CPEB4: variants seen among roughly 807,000 people sequenced by gnomAD.
CPEB4 encodes cytoplasmic polyadenylation element binding protein 4, also known as cytoplasmic polyadenylation element-binding protein 4.
In CPEB4, 12 loss-of-function variants were observed where a neutral mutation model predicts 72.5. The observed-to-expected ratio is 0.17, with a 90% CI of 0.11 to 0.27. The LOEUF (loss-of-function observed/expected upper bound fraction) is 0.27. Among genes scored for constraint, CPEB4 ranks in the 10% least tolerant of loss-of-function variants. The pLI, the probability that CPEB4 is intolerant of heterozygous loss-of-function variation, is 1.00. For missense variants in CPEB4, 614 were observed against 908.5 expected (o/e 0.68, Z 4.17); for synonymous variants, 302 against 326.3 (o/e 0.93, Z 0.80).
intron 1 of CPEB4, among the ~76,000 whole-genome samples, chr5:173,909,163 G>C (rs543505173): frequency 6.6e-6 from 1 of 152,248 alleles, no homozygotes; most frequent in Admixed American, 6.5e-5. Context: ...GGTCAGCAAT[G>C]TACCCCACAC....
rs761774997 is a variant in CPEB4, at chr5:173,889,456, A to G, written c.-278A>G. The stretch of plus-strand genomic sequence containing the variant: ...GCCTATTTTACTAACCAAAGACTTG[A>G]TTTTTACCCTCTTCATTTTTATTCC... On this transcript the variant is annotated 5_prime_UTR_variant, in exon 1 of 10. Transcript: ENST00000265085. The G allele has an allele frequency of 5.5e-5, 17 of 310,162 alleles. No homozygotes were observed. The South Asian group carries it at 9.8e-4, about 18-fold the overall frequency. The allele number at this position is 310,162 out of a possible 1,614,324, so 19.2% of individuals were successfully genotyped here.
intron 2 of CPEB4, among the ~76,000 whole-genome samples, chr5:173,929,159 T>C (rs111622444): frequency 6.6e-6 from 1 of 152,202 alleles, no homozygotes; most frequent in Non-Finnish European, 1.5e-5. Context: ...CTGTAACTTA[T>C]AAGGCCAAGG....
intron 3 of CPEB4, among the ~76,000 whole-genome samples, chr5:173,942,644 A>G (rs1423571050): frequency 2.0e-5 from 3 of 152,238 alleles, no homozygotes; most frequent in African/African-American, 7.2e-5. Flanking sequence ...ATATTGGTAT[A>G]TCTACTAAAT....
chr5:173,947,321 G>T (rs1758055096), intron 5 of CPEB4, among the ~76,000 whole-genome samples: 2 of 151,978 alleles, frequency 1.3e-5, no homozygotes, highest in Non-Finnish European at 2.9e-5. Context: ...TCCCTCTAAG[G>T]CTGAGATATT....
At chr5:173,930,076 CAG>C (rs966918135) in intron 2 of CPEB4, among the ~76,000 whole-genome samples, 6 of 147,360 alleles carry the variant, frequency 4.1e-5, no homozygotes, top group Admixed American at 2.7e-4. Flanking sequence ...TTTTTTGAGA[CAG>C]AGTTTTGTGC....
intron 3 of CPEB4, among the ~76,000 whole-genome samples, chr5:173,942,592 AGTT>A (rs1292944906): frequency 2.6e-5 from 4 of 152,240 alleles, no homozygotes; most frequent in African/African-American, 9.6e-5. Flanking sequence ...AATACTGTAA[AGTT>A]GTTATTTATC....
Position 173,953,260 on chromosome 5 carries a change from G to A in CPEB4, c.1950G>A (p.Glu650=). The change falls in exon 9 of 10, where the codon GAG becomes GAA. Residue 650 remains glutamate (E), a synonymous_variant. Transcript: ENST00000265085. ...GCTTTGTTCAGCTGCAGCATGGAGA[G>A]ATAGATAAACGGGTAAGCCTTATAC... ...SARFVQLQHG[E]IDKRVEVKPY... 6.3e-7 allele frequency: 1 copy of A among 1,595,308 alleles called. No individual in the cohort carries two copies. The highest frequency in any genetic ancestry group is 8.6e-7 in the Non-Finnish European group (1 of 1,169,108).
chr5:173,934,714 C>T (rs1757560609), intron 3 of CPEB4, among the ~76,000 whole-genome samples: 1 of 152,180 alleles, frequency 6.6e-6, no homozygotes, highest in South Asian at 2.1e-4. Flanking sequence ...GGTGACTACT[C>T]GACCGACCTA....
intron 2 of CPEB4, among the ~76,000 whole-genome samples, chr5:173,912,626 ATT>A (rs80201581): frequency 4.2e-5 from 6 of 143,570 alleles, no homozygotes; most frequent in African/African-American, 1.3e-4. Flanking sequence ...TAATAAAATA[ATT>A]TTTTTTTTTT....
At position 173,898,959 on chromosome 5, in the gene CPEB4, C is replaced by A. The variant is rs181286729; in HGVS notation, c.1125+8101C>A. Among the ~76,000 whole-genome samples the A allele has an allele frequency of 1.1e-3, 174 of 152,320 alleles. 1 individual carries two copies. The highest frequency in any genetic ancestry group is 4.1e-3 in the African/African-American group (170 of 41,562). On this transcript the variant is annotated intron_variant, in intron 1 of 9. Transcript: ENST00000265085. ...GGGATTATAGGCGTGAGCCACCGCA[C>A]CTGGCCTGAACTTAATTTTAAATAA...
At chr5:173,951,298 C>T (rs950357171) in intron 7 of CPEB4, among the ~76,000 whole-genome samples, 5 of 148,302 alleles carry the variant, frequency 3.4e-5, no homozygotes, top group Admixed American at 3.3e-4. Context: ...AATGGATACA[C>T]TGAAGTATTT....
intron 1 of CPEB4, among the ~76,000 whole-genome samples, chr5:173,907,181 C>A (rs359426): frequency 6.6e-6 from 1 of 152,082 alleles, no homozygotes; most frequent in African/African-American, 2.4e-5. Flanking sequence ...GCAGGAGAGT[C>A]GCTTGAACCC....
At chr5:173,949,343 A>G (rs1758139938) in intron 5 of CPEB4, among the ~76,000 whole-genome samples, 165 bp from the exon 6 acceptor site, 1 of 152,180 alleles carries the variant, frequency 6.6e-6, no homozygotes, top group Non-Finnish European at 1.5e-5. Flanking sequence ...AAAGAGGGTG[A>G]AGGCAGATGT....
chr5:173,912,918 C>CA (rs397959791), intron 2 of CPEB4, among the ~76,000 whole-genome samples: 34,224 of 88,646 alleles, frequency 0.39, 5,380 homozygotes, highest in South Asian at 0.51. Flanking sequence ...GACCCTGTCT[C>CA]AAAAAAAAAA....
Position 173,953,173 on chromosome 5 carries a change from A to G in CPEB4, c.1863A>G (p.Pro621=). The G allele has an allele frequency of 1.9e-6, 3 of 1,613,830 alleles. No individual in the cohort carries two copies. The highest frequency in any genetic ancestry group is 2.2e-5 in the East Asian group (1 of 44,876). ...ATACCGACCCTGAGCTAAAATACCC[A>G]AAAGGAGCTGGGAGAGTTGCGTTCT... The part of the protein sequence containing the change: ...GIDTDPELKY[P]KGAGRVAFSN... Residue 621 remains proline, a synonymous_variant, in exon 9 of 10, where the codon CCA becomes CCG. Coordinates refer to ENST00000265085, the MANE Select transcript of CPEB4 (RefSeq NM_030627.4).
intron 2 of CPEB4, among the ~76,000 whole-genome samples, chr5:173,922,914 G>A (rs1473703213): frequency 6.6e-6 from 1 of 152,186 alleles, no homozygotes; most frequent in Non-Finnish European, 1.5e-5. Flanking sequence ...TAAAAACAAA[G>A]GTTCCTGGCT....
At chr5:173,922,319 C>T (rs755040476) in intron 2 of CPEB4, among the ~76,000 whole-genome samples, 1 of 152,156 alleles carries the variant, frequency 6.6e-6, no homozygotes, top group Non-Finnish European at 1.5e-5. Context: ...CAGCCTCCGC[C>T]TCCTGGGCTC....
At chr5:173,936,037 A>G (rs1170615968) in intron 3 of CPEB4, among the ~76,000 whole-genome samples, 2 of 152,168 alleles carry the variant, frequency 1.3e-5, no homozygotes, top group African/African-American at 4.8e-5. Context: ...GAATTTTTCA[A>G]TTTATTGCTG....
intron 2 of CPEB4, among the ~76,000 whole-genome samples, chr5:173,917,498 C>T (rs1756912923): frequency 6.6e-6 from 1 of 152,174 alleles, no homozygotes; most frequent in African/African-American, 2.4e-5. Flanking sequence ...CTTTGGGAGG[C>T]CAAGGTGGGT....
Sources: allele counts gnomAD v4.1 joint callset (sites outside exome capture counted in the v4.1 genomes callset), GRCh38; gene constraint gnomAD v4.1.1; transcripts MANE v1.5; gene names NCBI Gene and HGNC (gene_info 2026-07-23, HGNC 2026-07-21).